The following ACTN4 variants were observed in gnomAD, a reference collection of about 807,000 sequenced individuals.
ACTN4 encodes alpha-actinin-4.
A neutral mutation model predicts 114.2 loss-of-function variants in ACTN4; 18 were observed. The observed-to-expected ratio is 0.16, with a 90% CI of 0.11 to 0.23. The LOEUF is 0.23. Among genes scored for constraint, ACTN4 ranks in the 10% least tolerant of loss-of-function variants. The pLI is 1.00. For missense variants in ACTN4, 722 were observed against 1,262.9 expected (o/e 0.57, Z 6.49); for synonymous variants, 515 against 506.3 (o/e 1.02, Z -0.23).
intron 1 of ACTN4, among the ~76,000 whole-genome samples, chr19:38,655,221 A>G (rs1261407381): frequency 3.9e-5 from 6 of 152,214 alleles, no homozygotes; most frequent in Admixed American, 3.9e-4. Flanking sequence ...CATAAATATA[A>G]TAGAAGGAAA....
At chr19:38,714,879 C>T (rs1298911856) in intron 9 of ACTN4, among the ~76,000 whole-genome samples, 1 of 152,230 alleles carries the variant, frequency 6.6e-6, no homozygotes. Context: ...GTGAAAGCCC[C>T]TCTTCCCGTG....
chr19:38,721,405 A>T lies in ACTN4; in HGVS notation c.1292-133A>T. On this transcript the variant is annotated intron_variant, in intron 11 of 20. Transcript: ENST00000252699. ...ACGGAAGAAGATTCTGGAAGTTTCC[A>T]TGCCACTGTCATTGGCATGGAAGGA... 4 of 1,116,862 alleles carry T rather than the reference A, an allele frequency of 3.6e-6. No homozygotes were observed. The South Asian group carries it at 3.9e-5, about 11-fold the overall frequency. The allele number at this position is 1,116,862 out of a possible 1,614,324, so 69.2% of individuals were successfully genotyped here.
chr19:38,673,715 ATTTATATATAC>A (rs1286058882), intron 1 of ACTN4, among the ~76,000 whole-genome samples: 1 of 88,150 alleles, frequency 1.1e-5, no homozygotes, highest in Non-Finnish European at 2.2e-5. Flanking sequence ...ATATTTATAT[ATTTATATATAC>A]TTATATATAT....
At position 38,705,965 on chromosome 19, in the gene ACTN4, C is replaced by T. The variant is rs949687813; in HGVS notation, c.485-79C>T. The T allele has an allele frequency of 1.5e-5, 22 of 1,484,406 alleles. No homozygotes were observed. In the African/African-American group the frequency reaches 2.6e-4, roughly 18 times the overall value. The allele number at this position is 1,484,406 out of a possible 1,614,324, so 92.0% of individuals were successfully genotyped here. On this transcript the variant is annotated intron_variant, in intron 4 of 20. Transcript: ENST00000252699. ...GTTTCGTTTGACCCCAGGCCTGAGC[C>T]GAAAGTCCCATCCAACTTGGGCTGA... is the stretch of plus-strand genomic sequence containing the variant.
At chr19:38,715,525 A>G (rs1968810786) in intron 9 of ACTN4, among the ~76,000 whole-genome samples, 1 of 152,202 alleles carries the variant, frequency 6.6e-6, no homozygotes, top group Non-Finnish European at 1.5e-5. Context: ...AAAATTTCCC[A>G]AAGAGCAGTG....
intron 7 of ACTN4, 23 bp downstream of exon 7, chr19:38,709,499 C>A (rs753037562): frequency 4.4e-6 from 7 of 1,600,290 alleles, no homozygotes; most frequent in Non-Finnish European, 5.1e-6. Context: ...TTCTGTTCAG[C>A]CACCACTGTG....
At position 38,657,153 on chromosome 19, in the gene ACTN4, T is replaced by G. The variant is rs565929571; in HGVS notation, c.162+9246T>G. 5.3e-5 allele frequency among the ~76,000 whole-genome samples: 8 copies of G among 152,100 alleles called. No individual in the cohort carries two copies. The South Asian group carries it at 1.7e-3, about 32-fold the overall frequency. ...CATGGCCAGCTAATTTTAATTTTTT[T>G]TTTTTTTGAGATGGAGTCTCACTCT... On this transcript the variant is annotated intron_variant, in intron 1 of 20. Coordinates refer to ENST00000252699, the MANE Select transcript of ACTN4 (RefSeq NM_004924.6).
rs757412197 is a variant in ACTN4, at chr19:38,718,286, G to T, written c.1291+212G>T. ...TCACACCTGTAATCCCAGCACTTTG[G>T]CAGGCCAAGGCAGGAGGATCACTTG... On this transcript the variant is annotated intron_variant, in intron 11 of 20. Transcript: ENST00000252699. 4 of 831,512 alleles carry T rather than the reference G, an allele frequency of 4.8e-6. No individual in the cohort carries two copies. The South Asian group carries it at 5.8e-5, about 12-fold the overall frequency. The allele number at this position is 831,512 out of a possible 1,614,324, so 51.5% of individuals were successfully genotyped here.
intron 19 of ACTN4, 183 bp downstream of exon 19, chr19:38,728,209 C>T (rs901401574): frequency 3.6e-6 from 5 of 1,370,638 alleles, no homozygotes. Flanking sequence ...GGGCCGCTGT[C>T]TCCCTGCTCC....
rs143029023 is a variant in ACTN4 at position 38,669,277 on chromosome 19, C to T, written c.162+21370C>T. Among the ~76,000 whole-genome samples, 884 of 152,274 alleles carry T rather than the reference C, an allele frequency of 5.8e-3. 7 individuals are homozygous for T. The highest frequency in any genetic ancestry group is 0.021 in the African/African-American group (856 of 41,552). On this transcript the variant is annotated intron_variant, in intron 1 of 20. Coordinates refer to ENST00000252699, the MANE Select transcript of ACTN4 (RefSeq NM_004924.6). ...CTGGGATTACAGGCGTGAGTCACCG[C>T]GCCCAGCCAAAATCCAGCTTTTTCT...
intron 17 of ACTN4, among the ~76,000 whole-genome samples, chr19:38,726,647 T>G (rs1031505986): frequency 3.9e-5 from 6 of 152,202 alleles, no homozygotes; most frequent in Non-Finnish European, 7.3e-5. Context: ...CTTTTTTGTT[T>G]TTTTCCCCTG....
chr19:38,714,644 G>C (rs756824826), intron 9 of ACTN4, 83 bp downstream of exon 9: 15 of 1,422,218 alleles, frequency 1.1e-5, no homozygotes, highest in Non-Finnish European at 1.4e-5. Context: ...GGGAAAGCAG[G>C]TGTGGCAGCG....
intron 1 of ACTN4, among the ~76,000 whole-genome samples, chr19:38,671,577 G>A (rs1967129829): frequency 6.6e-6 from 1 of 152,210 alleles, no homozygotes. Context: ...CCTGAATGCA[G>A]CGTTTCTTAT....
At chr19:38,704,434 G>A (rs1388547858) in intron 3 of ACTN4, among the ~76,000 whole-genome samples, 4 of 152,272 alleles carry the variant, frequency 2.6e-5, no homozygotes, top group African/African-American at 9.6e-5. Context: ...AGGATTGGAA[G>A]GAAGTGGACA....
intron 1 of ACTN4, among the ~76,000 whole-genome samples, chr19:38,668,080 T>G (rs1967019141): frequency 6.6e-6 from 1 of 152,178 alleles, no homozygotes; most frequent in African/African-American, 2.4e-5. Flanking sequence ...CAGATGAGGT[T>G]GTAATGTGGT....
At chr19:38,679,866 A>C (rs1005541190) in intron 1 of ACTN4, among the ~76,000 whole-genome samples, 3 of 152,028 alleles carry the variant, frequency 2.0e-5, no homozygotes, top group Non-Finnish European at 4.4e-5. Flanking sequence ...TAAGAAAAAA[A>C]CAAAAACTCC....
At chr19:38,693,880 G>T (rs1332010316) in intron 1 of ACTN4, among the ~76,000 whole-genome samples, 1 of 152,226 alleles carries the variant, frequency 6.6e-6, no homozygotes, top group Non-Finnish European at 1.5e-5. Context: ...ACACGGAGGG[G>T]TGACAGTGGA....
chr19:38,724,457 C>T lies in ACTN4; in HGVS notation c.1902C>T (p.Asp634=), dbSNP rs139162351. The T allele has an allele frequency of 5.6e-4, 901 of 1,613,552 alleles. 7 individuals are homozygous for T. The South Asian group carries it at 6.9e-3, about 12-fold the overall frequency. ...EKVQQLVPKR[D]HALLEEQSKQ... Reference sequence around the variant, plus strand: ...TGCAGCAGCTGGTGCCAAAACGGGACCATGCCCTCCTGGAGGAGCAGAGCA... The same window carrying T: ...TGCAGCAGCTGGTGCCAAAACGGGATCATGCCCTCCTGGAGGAGCAGAGCA... Residue 634 remains aspartate, a synonymous_variant, in exon 16 of 21, where the codon GAC becomes GAT. Coordinates refer to ENST00000252699, the MANE Select transcript of ACTN4 (RefSeq NM_004924.6). This position sits in a 1 kb window ranked among gnomAD's most constrained non-coding sequence, Gnocchi z 7.0.
In ACTN4 at chr19:38,718,058, C is replaced by T. The variant is rs779211830; in HGVS notation, c.1275C>T (p.His425=). The T allele has an allele frequency of 2.3e-5, 37 of 1,609,120 alleles. No individual in the cohort carries two copies. Among genetic ancestry groups the T allele is most frequent in the Non-Finnish European group, 2.8e-5 (33 of 1,177,966 alleles). Reference sequence around the variant, plus strand: ...AGTTCCGGCAGAAGGCCTCCATCCACGAGGCCTGGACTGACGGTACGGCCC... The same window carrying T: ...AGTTCCGGCAGAAGGCCTCCATCCATGAGGCCTGGACTGACGGTACGGCCC... The part of the protein sequence containing the change: ...AEKFRQKASI[H]EAWTDGKEAM... Residue 425 remains histidine (H), a synonymous_variant, in exon 11 of 21, where the codon CAC becomes CAT. Transcript: ENST00000252699.
Sources: allele counts gnomAD v4.1 joint callset (sites outside exome capture counted in the v4.1 genomes callset), GRCh38; gene constraint gnomAD v4.1.1; non-coding constraint Gnocchi (gnomAD v3.1); transcripts MANE v1.5; gene names NCBI Gene and HGNC (gene_info 2026-07-23, HGNC 2026-07-21).